ITGB8: variants seen among roughly 807,000 people sequenced by gnomAD.
ITGB8 encodes integrin subunit beta 8, also known as integrin beta-8.
Under a neutral mutation model 89.5 loss-of-function variants are expected in ITGB8, and 30 were observed. The observed-to-expected ratio is 0.34, with a 90% CI of 0.25 to 0.45. ITGB8 has a LOEUF of 0.45. Ranked by LOEUF, ITGB8 falls within the 20% of genes least tolerant of loss-of-function variation. The pLI is 1.00. For synonymous variants in ITGB8, 335 were observed against 320.4 expected (o/e 1.05, Z -0.49); for missense variants, 836 against 933.3 (o/e 0.90, Z 1.36).
At chr7:20,384,351 T>A (rs187204871) in intron 6 of ITGB8, among the ~76,000 whole-genome samples, 339 of 152,302 alleles carry the variant, frequency 2.2e-3, no homozygotes, top group African/African-American at 7.6e-3. Context: ...AAACCCTTTA[T>A]ATGTCTAAAT....
chr7:20,369,234 T>G (rs903506237), intron 3 of ITGB8, among the ~76,000 whole-genome samples: 9 of 152,194 alleles, frequency 5.9e-5, no homozygotes, highest in Admixed American at 3.3e-4. Flanking sequence ...TATAATAGAA[T>G]AGAAAAATAA....
At position 20,411,267 on chromosome 7, in the gene ITGB8, G is replaced by C. The variant is rs1787753486; in HGVS notation, c.*1270G>C. ...CCTCCCGGGTTCAAGCAGTTCTCCT[G>C]CCTCAGCCTCCTGAGTAGCTGGGAT... On this transcript the variant is annotated 3_prime_UTR_variant, in exon 14 of 14. Transcript: ENST00000222573. 1 of 146,068 alleles carries C rather than the reference G, an allele frequency of 6.8e-6. No individual in the cohort carries two copies. The highest frequency in any genetic ancestry group is 1.5e-5 in the Non-Finnish European group (1 of 67,534). 9.0% of individuals were successfully genotyped at this position (146,068 alleles called of 1,614,324 possible).
chr7:20,400,547 T>A (rs755129262), intron 9 of ITGB8, among the ~76,000 whole-genome samples: 7 of 152,206 alleles, frequency 4.6e-5, no homozygotes, highest in Middle Eastern at 3.2e-3. Context: ...CAGCGCAAAT[T>A]AATTTTAAAT....
intron 3 of ITGB8, among the ~76,000 whole-genome samples, chr7:20,372,501 T>C (rs554298799): frequency 3.9e-4 from 59 of 152,198 alleles, no homozygotes; most frequent in African/African-American, 1.4e-3. Flanking sequence ...AATGAAGTGG[T>C]GTTGATTTAA....
intron 1 of ITGB8, among the ~76,000 whole-genome samples, chr7:20,361,255 C>A (rs896899594): frequency 2.0e-5 from 3 of 152,168 alleles, no homozygotes; most frequent in Non-Finnish European, 4.4e-5. Flanking sequence ...TTGGTCAAGT[C>A]TGAACTGAAA....
chr7:20,360,185 A>C (rs939619342), intron 1 of ITGB8, among the ~76,000 whole-genome samples: 4 of 152,140 alleles, frequency 2.6e-5, no homozygotes, highest in African/African-American at 9.7e-5. Context: ...ACAGATTTTC[A>C]CTTGTGAATT....
chr7:20,403,972 A>C (rs1426866756), intron 10 of ITGB8, among the ~76,000 whole-genome samples: 2 of 152,188 alleles, frequency 1.3e-5, no homozygotes, highest in Non-Finnish European at 2.9e-5. Flanking sequence ...CCACATGCAT[A>C]ATGTTCCCCC....
At position 20,398,925 on chromosome 7, in the gene ITGB8, C is replaced by G; in HGVS notation, c.1212C>G (p.Thr404=). Reference sequence around the variant, plus strand: ...TACAAGGCATCTATTTTAACATTACCGCCATCTGTCCAGATGGGTCCAGAA... The same window carrying G: ...TACAAGGCATCTATTTTAACATTACGGCCATCTGTCCAGATGGGTCCAGAA... ...NQVQGIYFNI[T]AICPDGSRKP... is the part of the protein sequence containing the mutation. The change falls in exon 9 of 14, where the codon ACC becomes ACG. Residue 404 remains threonine, a synonymous_variant. Coordinates refer to ENST00000222573, the MANE Select transcript of ITGB8 (RefSeq NM_002214.3). The G allele has an allele frequency of 6.2e-7, 1 of 1,609,694 alleles. No homozygotes were observed. The highest frequency in any genetic ancestry group is 8.5e-7 in the Non-Finnish European group (1 of 1,177,826).
At chr7:20,332,503 AAAT>A (rs1444769609) in intron 1 of ITGB8, among the ~76,000 whole-genome samples, 2 of 152,134 alleles carry the variant, frequency 1.3e-5, no homozygotes, top group Non-Finnish European at 2.9e-5. Flanking sequence ...TAAAAAAAAA[AAAT>A]ACTATCTAAT....
chr7:20,378,718 T>G (rs1405938761), intron 3 of ITGB8, among the ~76,000 whole-genome samples: 1 of 152,142 alleles, frequency 6.6e-6, no homozygotes, highest in African/African-American at 2.4e-5. Flanking sequence ...TTCTAGCTAC[T>G]AAGGCAATGG....
chr7:20,378,912 A>G (rs988142724), intron 3 of ITGB8, 139 bp from the exon 4 acceptor site: 1 of 359,748 alleles, frequency 2.8e-6, no homozygotes, highest in African/African-American at 2.1e-5. Context: ...AATTATTATA[A>G]TTACACTAGC....
At position 20,380,837 on chromosome 7, in the gene ITGB8, A is replaced by G; in HGVS notation, c.801+6A>G. On this transcript the variant is annotated splice_donor_region_variant and intron_variant, in intron 5 of 13. Coordinates refer to ENST00000222573, the MANE Select transcript of ITGB8 (RefSeq NM_002214.3). ...TTCAGGCAGCTGTCTGTGAAGTAAGACGTTTCACATGATCGAGTGTTTGCT... is the reference window on the plus strand; with the variant it reads ...TTCAGGCAGCTGTCTGTGAAGTAAGGCGTTTCACATGATCGAGTGTTTGCT... 1 of 1,601,110 alleles carries G rather than the reference A, an allele frequency of 6.2e-7. No homozygotes were observed. The highest frequency in any genetic ancestry group is 8.5e-7 in the Non-Finnish European group (1 of 1,173,222).
At chr7:20,355,637 T>C (rs946476644) in intron 1 of ITGB8, among the ~76,000 whole-genome samples, 1 of 152,188 alleles carries the variant, frequency 6.6e-6, no homozygotes, top group African/African-American at 2.4e-5. Flanking sequence ...CAAAATTATT[T>C]AGAGAAAATA....
chr7:20,332,990 G>C (rs1264455323), intron 1 of ITGB8, among the ~76,000 whole-genome samples: 1 of 149,882 alleles, frequency 6.7e-6, no homozygotes, highest in African/African-American at 2.5e-5. Flanking sequence ...TTATATTAGA[G>C]CCTTTCTCTG....
At chr7:20,390,333 T>C (rs1786803582) in intron 6 of ITGB8, among the ~76,000 whole-genome samples, 1 of 152,192 alleles carries the variant, frequency 6.6e-6, no homozygotes, top group South Asian at 2.1e-4. Flanking sequence ...CTCTGATAAG[T>C]ATCTAGCTAT....
intron 3 of ITGB8, among the ~76,000 whole-genome samples, chr7:20,371,574 G>T (rs372643176): frequency 1.3e-5 from 2 of 152,100 alleles, no homozygotes; most frequent in East Asian, 3.9e-4. Flanking sequence ...TAGAAAATAC[G>T]AATAAATGGA....
At chr7:20,334,668 C>G (rs16872507) in intron 1 of ITGB8, among the ~76,000 whole-genome samples, 13,004 of 152,146 alleles carry the variant, frequency 0.085, 695 homozygotes, top group East Asian at 0.33. Context: ...TTAAAAGAAC[C>G]AAGGTATCAT....
At chr7:20,382,937 A>G (rs1786460398) in intron 6 of ITGB8, among the ~76,000 whole-genome samples, 1 of 152,220 alleles carries the variant, frequency 6.6e-6, no homozygotes, top group African/African-American at 2.4e-5. Flanking sequence ...TAATCTTAAA[A>G]CTATGAACTC....
intron 1 of ITGB8, among the ~76,000 whole-genome samples, chr7:20,357,475 C>T: frequency 6.6e-6 from 1 of 152,234 alleles, no homozygotes; most frequent in South Asian, 2.1e-4. Context: ...TACACATGAA[C>T]ATACACGTAT....
Sources: gnomAD v4.1 joint callset for allele counts (sites outside exome capture counted in the v4.1 genomes callset) on GRCh38, gnomAD v4.1.1 for gene constraint, MANE v1.5 for transcripts, NCBI Gene and HGNC (gene_info 2026-07-23, HGNC 2026-07-21) for gene names.